TG: variants seen among roughly 807,000 people sequenced by gnomAD.
TG encodes thyroid hormones.
A neutral mutation model predicts 324.7 loss-of-function variants in TG; 270 were observed. That is an observed-to-expected ratio of 0.83 (90% CI 0.75 to 0.92). The LOEUF (loss-of-function observed/expected upper bound fraction) is 0.92, where lower values mean the gene tolerates loss of function less well. Among genes scored for constraint, TG ranks in the 40% least tolerant of loss-of-function variants. The pLI, the probability that TG is intolerant of heterozygous loss-of-function variation, is 0.00. For missense variants in TG, 3,591 were observed against 3,456.4 expected (o/e 1.04, Z -0.98); for synonymous variants, 1,401 against 1,327.0 (o/e 1.06, Z -1.21).
intron 43 of TG, among the ~76,000 whole-genome samples, chr8:133,105,620 A>T (rs1470176783): frequency 4.6e-5 from 7 of 152,132 alleles, no homozygotes; most frequent in African/African-American, 1.7e-4. Flanking sequence ...TGAGGCATTT[A>T]TATGAAGGTA....
chr8:132,972,307 C>T (rs1025380731), intron 33 of TG: 9 of 508,748 alleles, frequency 1.8e-5, no homozygotes, highest in Non-Finnish European at 3.2e-5. Context: ...CTACCTTCCT[C>T]GTAAGGTTAT....
chr8:132,917,673 G>A (rs1273777377), intron 20 of TG, among the ~76,000 whole-genome samples: 3 of 151,916 alleles, frequency 2.0e-5, no homozygotes, highest in Admixed American at 1.3e-4. Flanking sequence ...GACCAGGTGC[G>A]GGCTTGAGCC....
At chr8:133,133,138 T>G (rs1277454039) in intron 46 of TG, among the ~76,000 whole-genome samples, 1 of 152,196 alleles carries the variant, frequency 6.6e-6, no homozygotes, top group Admixed American at 6.5e-5. Context: ...CTATGGTGTC[T>G]AGATCTGAGG....
chr8:133,091,881 G>A (rs1847600982), intron 41 of TG, among the ~76,000 whole-genome samples: 1 of 152,008 alleles, frequency 6.6e-6, no homozygotes, highest in Admixed American at 6.6e-5. Context: ...CTCTGTGTGA[G>A]TGTGTCTCTA....
At chr8:132,976,307 C>T (rs1038049302) in intron 34 of TG, among the ~76,000 whole-genome samples, 1 of 152,128 alleles carries the variant, frequency 6.6e-6, no homozygotes, top group South Asian at 2.1e-4. Context: ...CTGCATCATT[C>T]CATGGGGAAA....
At chr8:133,071,001 A>G (rs150729664) in intron 41 of TG, among the ~76,000 whole-genome samples, 3 of 152,332 alleles carry the variant, frequency 2.0e-5, no homozygotes, top group African/African-American at 7.2e-5. Context: ...CAGTGGGCCA[A>G]TCAACTCCCC....
At chr8:132,990,560 A>T in intron 35 of TG, among the ~76,000 whole-genome samples, 1 of 147,386 alleles carries the variant, frequency 6.8e-6, no homozygotes, top group Admixed American at 6.7e-5. Flanking sequence ...CCCTTAACTA[A>T]CCTCCCTGTC....
intron 45 of TG, among the ~76,000 whole-genome samples, chr8:133,120,752 G>A (rs940094868): frequency 2.6e-5 from 4 of 152,254 alleles, no homozygotes; most frequent in Non-Finnish European, 5.9e-5. Flanking sequence ...GTCCCATTCT[G>A]GGGTACTAGG....
Position 132,887,134 on chromosome 8 carries a change from C to A in TG, c.1762C>A (p.Pro588Thr), listed in dbSNP as rs764293101. Residue 588 changes from proline to threonine, a missense_variant, in exon 9 of 48, where the codon CCA becomes ACA. Coordinates refer to ENST00000220616, the MANE Select transcript of TG (RefSeq NM_003235.5). Reference sequence around the variant, plus strand: ...CTTCTTGCAACATGCTATCTCTGTGCCAGAAGATGTGGCAAGAGATTTAGG... The same window carrying A: ...CTTCTTGCAACATGCTATCTCTGTGACAGAAGATGTGGCAAGAGATTTAGG... ...LLFLQHAISV[P>T]EDVARDLGDV... The A allele has an allele frequency of 7.1e-5, 114 of 1,614,098 alleles. No individual in the cohort carries two copies. Among genetic ancestry groups the A allele is most frequent in the Non-Finnish European group, 8.8e-5 (104 of 1,180,050 alleles).
intron 17 of TG, 56 bp from the exon 18 acceptor site, chr8:132,908,130 A>G: frequency 6.2e-7 from 1 of 1,604,116 alleles, no homozygotes; most frequent in Non-Finnish European, 8.5e-7. Context: ...ATCCCAAACA[A>G]AGAAAATAAC....
chr8:132,927,967 A>C (rs1302181912), intron 22 of TG, among the ~76,000 whole-genome samples: 8 of 152,238 alleles, frequency 5.3e-5, no homozygotes, highest in Admixed American at 5.2e-4. Flanking sequence ...TTCAGCAATT[A>C]ACATGGATGG....
Position 132,897,657 on chromosome 8 carries a change from T to G in TG, c.3010T>G (p.Phe1004Val), listed in dbSNP as rs765450689. Residue 1004 changes from phenylalanine (F) to valine (V), a missense_variant, in exon 12 of 48, where the codon TTC (phenylalanine) becomes GTC (valine). Transcript: ENST00000220616. Reference protein sequence around the residue: ...IRLAAQSTLSFYQRRRFSPDD... With the variant: ...IRLAAQSTLSVYQRRRFSPDD... ...TCCTTCCCTGACTCCAGCCTTAAGC[T>G]TCTATCAGAGACGCCGCTTTTCCCC... 1 of 1,614,200 alleles carries G rather than the reference T, an allele frequency of 6.2e-7. No homozygotes were observed. Among genetic ancestry groups the G allele is most frequent in the South Asian group, 1.1e-5 (1 of 91,084 alleles).
intron 23 of TG, among the ~76,000 whole-genome samples, chr8:132,930,547 TG>T (rs1822556011): frequency 6.6e-6 from 1 of 151,954 alleles, no homozygotes; most frequent in African/African-American, 2.4e-5. Flanking sequence ...CCAGGCATGT[TG>T]GTGGGTGCCT....
rs752058485 is a variant in TG at position 132,883,702 on chromosome 8, C to G, written c.1075+703C>G. Among the ~76,000 whole-genome samples the G allele has an allele frequency of 2.6e-5, 4 of 152,126 alleles. No individual in the cohort carries two copies. The South Asian group carries it at 8.3e-4, about 32-fold the overall frequency. On this transcript the variant is annotated intron_variant, in intron 8 of 47. Coordinates refer to ENST00000220616, the MANE Select transcript of TG (RefSeq NM_003235.5). Reference sequence around the variant, plus strand: ...GGACAGTATCATCGTGGGTTTTGCACGTAAGGCAAAGAAATTCTGGAGGAG... The same window carrying G: ...GGACAGTATCATCGTGGGTTTTGCAGGTAAGGCAAAGAAATTCTGGAGGAG...
intron 35 of TG, among the ~76,000 whole-genome samples, chr8:133,003,583 A>G (rs141904692): frequency 6.6e-6 from 1 of 152,318 alleles, no homozygotes; most frequent in East Asian, 1.9e-4. Context: ...ATGTATAATT[A>G]TAATCTGTCC....
intron 10 of TG, among the ~76,000 whole-genome samples, chr8:132,889,923 C>A (rs1815988543): frequency 6.6e-6 from 1 of 152,186 alleles, no homozygotes; most frequent in East Asian, 1.9e-4. Flanking sequence ...ATTACAGGTG[C>A]CTGCCACCAC....
intron 41 of TG, among the ~76,000 whole-genome samples, chr8:133,069,591 G>A (rs1843641975): frequency 6.6e-6 from 1 of 152,230 alleles, no homozygotes; most frequent in Non-Finnish European, 1.5e-5. Flanking sequence ...TGAGTGGTGA[G>A]TGACCGTCTC....
chr8:133,065,624 T>C (rs1271161835), intron 41 of TG, among the ~76,000 whole-genome samples: 1 of 152,010 alleles, frequency 6.6e-6, no homozygotes, highest in Non-Finnish European at 1.5e-5. Context: ...TAGCCGGACA[T>C]GTTGGCACAT....
At chr8:132,929,011 A>T (rs1027336376) in intron 22 of TG, 65 bp from the exon 23 acceptor site, 13 of 1,346,712 alleles carry the variant, frequency 9.7e-6, no homozygotes, top group Non-Finnish European at 1.4e-5. Context: ...AACAGTCTTT[A>T]TGGCTTCTCT....
Sources: gnomAD v4.1 joint callset for allele counts (sites outside exome capture counted in the v4.1 genomes callset) on GRCh38, gnomAD v4.1.1 for gene constraint, MANE v1.5 for transcripts, NCBI Gene and HGNC (gene_info 2026-07-23, HGNC 2026-07-21) for gene names.